Variants in SKP1 observed in about 807,000 individuals in gnomAD.
SKP1 encodes S-phase kinase-associated protein 1.
In SKP1, 1 loss-of-function variant was observed where a neutral mutation model predicts 21.5. That is an observed-to-expected ratio of 0.05 (90% CI 0.02 to 0.22). The LOEUF is 0.22. SKP1 is among the 10% of genes least tolerant of loss of function. The pLI is 1.00. For synonymous variants in SKP1, 59 were observed against 59.3 expected, an observed-to-expected ratio of 0.99 and a Z score of 0.03; for missense variants, 70 against 192.0, an observed-to-expected ratio of 0.36 and a Z score of 3.76.
intron 5 of SKP1, 178 bp downstream of exon 5, chr5:134,158,277 T>C (rs1185738009): frequency 6.7e-7 from 1 of 1,490,532 alleles, no homozygotes; most frequent in Non-Finnish European, 8.9e-7. Flanking sequence ...TGCAGTATCA[T>C]CTAAGTGTTC....
intron 1 of SKP1, among the ~76,000 whole-genome samples, chr5:134,176,059 G>A (rs1052783403): frequency 1.3e-5 from 2 of 152,200 alleles, no homozygotes; most frequent in Non-Finnish European, 2.9e-5. Context: ...AAGGAAAAAT[G>A]CATGTCCCTA....
chr5:134,164,319 C>CAAA (rs1761285963), intron 3 of SKP1, among the ~76,000 whole-genome samples: 1 of 59,840 alleles, frequency 1.7e-5, no homozygotes, highest in African/African-American at 7.9e-5. Context: ...AACTCCATCT[C>CAAA]AAGAAAAAAA....
intron 3 of SKP1, 78 bp from the exon 4 acceptor site, chr5:134,161,208 A>G: frequency 7.9e-7 from 1 of 1,262,870 alleles, no homozygotes; most frequent in Non-Finnish European, 1.1e-6. Flanking sequence ...ACTTATCCCT[A>G]TATTGGAATA....
At chr5:134,173,578 A>G (rs1451728638) in intron 2 of SKP1, 1 of 384,294 alleles carries the variant, frequency 2.6e-6, no homozygotes, top group Non-Finnish European at 5.0e-6. Context: ...AGCCACCATT[A>G]TAGGACGGTA....
rs948866607 is a variant in SKP1, at chr5:134,157,657, T to C, written c.*76A>G. 2.6e-6 allele frequency: 3 copies of C among 1,166,252 alleles called. No individual in the cohort carries two copies. The highest frequency in any genetic ancestry group is 2.4e-5 in the South Asian group (2 of 81,810). The allele number at this position is 1,166,252 out of a possible 1,614,324, so 72.2% of individuals were successfully genotyped here. ...GCATTTGTCTACTGTTTGTCTAATA[T>C]TAACAATTATAAACAGAGCAGTGCA... On this transcript the variant is annotated 3_prime_UTR_variant, in exon 6 of 6. Transcript: ENST00000353411.
rs1216521122 is a variant in SKP1, at chr5:134,149,269, TCCATTCCGTATCCATATA to T, written c.*8446_*8463del. ...TTTTGAAGTCTCCAATGTCTATTAT[TCCATTCCGTATCCATATA>T]CCATGTGTACTCACTGTTTAGCTCC... On this transcript the variant is annotated 3_prime_UTR_variant, in exon 6 of 6. Transcript: ENST00000353411. The T allele has an allele frequency of 6.6e-6, 1 of 152,226 alleles. No individual in the cohort carries two copies. The highest frequency in any genetic ancestry group is 1.5e-5 in the Non-Finnish European group (1 of 68,054). The allele number at this position is 152,226 out of a possible 1,614,324, so 9.4% of individuals were successfully genotyped here.
chr5:134,164,570 T>C (rs1432926740), intron 3 of SKP1, among the ~76,000 whole-genome samples: 2 of 152,148 alleles, frequency 1.3e-5, no homozygotes, highest in African/African-American at 4.8e-5. Context: ...CCCCCAGCTT[T>C]TGGATGGCAT....
intron 2 of SKP1, among the ~76,000 whole-genome samples, chr5:134,172,261 T>G (rs1761456457): frequency 1.3e-5 from 2 of 152,090 alleles, no homozygotes; most frequent in African/African-American, 4.8e-5. Flanking sequence ...ATGTCTCACT[T>G]ACCTTCTTTT....
chr5:134,166,184 C>CA (rs112400755), intron 3 of SKP1, among the ~76,000 whole-genome samples: 3,286 of 127,232 alleles, frequency 0.026, 108 homozygotes, highest in African/African-American at 0.084. Context: ...GGCTCCATCT[C>CA]AAAAAAAAAA....
intron 3 of SKP1, among the ~76,000 whole-genome samples, chr5:134,165,624 T>C (rs1204008941): frequency 2.9e-5 from 4 of 138,716 alleles, no homozygotes; most frequent in East Asian, 2.2e-4. Flanking sequence ...CGGTGGCTCA[T>C]GCCTGTAATC....
intron 3 of SKP1, among the ~76,000 whole-genome samples, chr5:134,164,558 T>C (rs747383134): frequency 8.5e-5 from 13 of 152,158 alleles, no homozygotes; most frequent in African/African-American, 1.2e-4. Context: ...TTCACTGCTA[T>C]ACCCCCAGCT....
chr5:134,169,656 G>C (rs891458857), intron 2 of SKP1, among the ~76,000 whole-genome samples: 2 of 152,126 alleles, frequency 1.3e-5, no homozygotes, highest in African/African-American at 2.4e-5. Context: ...CCTGAGGTCA[G>C]GAGTTCAAGA....
At position 134,151,705 on chromosome 5, in the gene SKP1, G is replaced by A; in HGVS notation, c.*6028C>T. 1 of 456,170 alleles carries A rather than the reference G, an allele frequency of 2.2e-6. No individual in the cohort carries two copies. The highest frequency in any genetic ancestry group is 4.4e-6 in the Non-Finnish European group (1 of 226,882). The allele number at this position is 456,170 out of a possible 1,614,324, so 28.3% of individuals were successfully genotyped here. A position where few individuals can be genotyped will look rare whatever the true frequency, so the allele number is the denominator to read the frequency against. ...GAAGGTCGCAAGAACTACAGATGTGGAAGCAGACACTGTTATGAGCAACTA... is the reference window on the plus strand; with the variant it reads ...GAAGGTCGCAAGAACTACAGATGTGAAAGCAGACACTGTTATGAGCAACTA... On this transcript the variant is annotated 3_prime_UTR_variant, in exon 6 of 6. Transcript: ENST00000353411.
At position 134,150,797 on chromosome 5, in the gene SKP1, C is replaced by G. The variant is rs1004446390; in HGVS notation, c.*6936G>C. The G allele has an allele frequency of 5.3e-5, 8 of 152,200 alleles. No homozygotes were observed. The highest frequency in any genetic ancestry group is 1.9e-4 in the African/African-American group (8 of 41,442). The allele number at this position is 152,200 out of a possible 1,614,324, so 9.4% of individuals were successfully genotyped here. On this transcript the variant is annotated 3_prime_UTR_variant, in exon 6 of 6. Transcript: ENST00000353411. Reference sequence around the variant, plus strand: ...CATCTTTCAAATTCTGACTCCTGAGCTCTTCTCTAATAGTTTGGAGCTACT... The same window carrying G: ...CATCTTTCAAATTCTGACTCCTGAGGTCTTCTCTAATAGTTTGGAGCTACT...
rs1033918758 is a variant in SKP1, at chr5:134,151,690, A to G, written c.*6043T>C. The G allele has an allele frequency of 6.6e-6, 3 of 456,168 alleles. No homozygotes were observed. The highest frequency in any genetic ancestry group is 6.0e-5 in the African/African-American group (3 of 50,090). The allele number at this position is 456,168 out of a possible 1,614,324, so 28.3% of individuals were successfully genotyped here. A position where few individuals can be genotyped will look rare whatever the true frequency, so the allele number is the denominator to read the frequency against. On this transcript the variant is annotated 3_prime_UTR_variant, in exon 6 of 6. Coordinates refer to ENST00000353411, the MANE Select transcript of SKP1 (RefSeq NM_170679.3). ...AGTTGACAGATATCAGAAGGTCGCA[A>G]GAACTACAGATGTGGAAGCAGACAC...
At chr5:134,164,903 G>C (rs1484420227) in intron 3 of SKP1, among the ~76,000 whole-genome samples, 2 of 152,140 alleles carry the variant, frequency 1.3e-5, no homozygotes, top group Non-Finnish European at 2.9e-5. Flanking sequence ...GATGAACCTT[G>C]AAAACATTAT....
At chr5:134,165,757 G>A (rs1243721796) in intron 3 of SKP1, among the ~76,000 whole-genome samples, 9 of 151,680 alleles carry the variant, frequency 5.9e-5, no homozygotes, top group Non-Finnish European at 5.9e-5. Context: ...GTGGTGGCGA[G>A]TGCCTGTAAT....
chr5:134,173,225 G>A (rs935540532), intron 2 of SKP1, among the ~76,000 whole-genome samples: 2 of 152,012 alleles, frequency 1.3e-5, no homozygotes, highest in African/African-American at 2.4e-5. Context: ...CCAGCTACTC[G>A]GGAGGCTGAG....
chr5:134,166,580 C>CCAA (rs1761336463), intron 3 of SKP1, among the ~76,000 whole-genome samples: 3 of 52,536 alleles, frequency 5.7e-5, no homozygotes, highest in East Asian at 8.4e-4. Flanking sequence ...ACTCTGGTCT[C>CCAA]AAAAAAAAAA....
Sources: allele counts gnomAD v4.1 joint callset (sites outside exome capture counted in the v4.1 genomes callset), GRCh38; gene constraint gnomAD v4.1.1; transcripts MANE v1.5; gene names NCBI Gene and HGNC (gene_info 2026-07-23, HGNC 2026-07-21).